Variants in PCDH15 observed in about 807,000 individuals in gnomAD.
The protein encoded by PCDH15 is protocadherin-15.
In PCDH15, 129 loss-of-function variants were observed where a neutral mutation model predicts 178.5. That is an observed-to-expected ratio of 0.72 (90% CI 0.63 to 0.84). PCDH15 has a LOEUF of 0.84. PCDH15 is among the 40% of genes least tolerant of loss of function. The pLI is 0.00. For synonymous variants in PCDH15, 800 were observed against 732.0 expected (o/e 1.09, Z -1.50); for missense variants, 2,230 against 2,099.9 (o/e 1.06, Z -1.21).
At chr10:53,992,021 C>T (rs1182568042) in intron 21 of PCDH15, among the ~76,000 whole-genome samples, 4 of 152,100 alleles carry the variant, frequency 2.6e-5, no homozygotes, top group Non-Finnish European at 5.9e-5. Context: ...CTTGCTGCTG[C>T]TTACTGTTTG....
At chr10:54,275,883 GCATTAACAAAT>G (rs1554874856) in intron 8 of PCDH15, among the ~76,000 whole-genome samples, 1 of 151,460 alleles carries the variant, frequency 6.6e-6, no homozygotes, top group Non-Finnish European at 1.5e-5. Context: ...AACAGAAATT[GCATTAACAAAT>G]CAGAGGTTAA....
intron 2 of PCDH15, among the ~76,000 whole-genome samples, chr10:55,576,680 A>C (rs901731998): frequency 3.3e-5 from 5 of 152,126 alleles, no homozygotes; most frequent in Non-Finnish European, 5.9e-5. Flanking sequence ...TGATTAAATG[A>C]ATTTTGTAAT....
At chr10:55,232,637 C>T (rs2680325) in intron 1 of PCDH15, among the ~76,000 whole-genome samples, 58,978 of 151,738 alleles carry the variant, frequency 0.39, 11,574 homozygotes, top group Admixed American at 0.44. Flanking sequence ...TTGTAACTTC[C>T]AATTGGGATG....
intron 8 of PCDH15, among the ~76,000 whole-genome samples, chr10:54,304,365 G>A (rs1383887314): frequency 6.6e-6 from 1 of 152,048 alleles, no homozygotes; most frequent in African/African-American, 2.4e-5. Flanking sequence ...ATCTACATTA[G>A]GAAGAGTTGT....
At chr10:55,334,242 A>ATATATATATATATATATATATATG (rs1291195941) in intron 2 of PCDH15, among the ~76,000 whole-genome samples, 18 of 72,126 alleles carry the variant, frequency 2.5e-4, no homozygotes, top group African/African-American at 6.7e-4. Context: ...ATATATATAT[A>ATATATATATATATATATATATATG]TGTGTGTGTG....
chr10:55,585,989 G>T (rs1842720720), intron 2 of PCDH15, among the ~76,000 whole-genome samples: 1 of 152,014 alleles, frequency 6.6e-6, no homozygotes, highest in African/African-American at 2.4e-5. Flanking sequence ...ACTCTATCCA[G>T]CTCTCACTTA....
At chr10:55,084,205 C>G in intron 2 of PCDH15, among the ~76,000 whole-genome samples, 1 of 151,488 alleles carries the variant, frequency 6.6e-6, no homozygotes, top group Non-Finnish European at 1.5e-5. Flanking sequence ...AAAATAGCAG[C>G]TATTGTAAAC....
intron 2 of PCDH15, among the ~76,000 whole-genome samples, chr10:54,994,520 G>C (rs1839586705): frequency 6.6e-6 from 1 of 152,068 alleles, no homozygotes; most frequent in African/African-American, 2.4e-5. Flanking sequence ...TGATCTCCGT[G>C]AGTTCTGAGA....
intron 3 of PCDH15, among the ~76,000 whole-genome samples, chr10:54,434,892 TGG>T (rs1217984674): frequency 6.6e-6 from 1 of 152,208 alleles, no homozygotes; most frequent in East Asian, 1.9e-4. Context: ...TGGTATGACT[TGG>T]AGTACCAGGT....
At chr10:54,372,746 T>C (rs1947859922) in intron 4 of PCDH15, among the ~76,000 whole-genome samples, 1 of 151,876 alleles carries the variant, frequency 6.6e-6, no homozygotes, top group Non-Finnish European at 1.5e-5. Context: ...TAGGTAGAAA[T>C]TGTGTTCATA....
intron 2 of PCDH15, among the ~76,000 whole-genome samples, chr10:55,149,993 G>A (rs925666191): frequency 6.6e-6 from 1 of 151,686 alleles, no homozygotes; most frequent in African/African-American, 2.4e-5. Flanking sequence ...TGGTGGGGGA[G>A]GGAGACAGAG....
At chr10:55,178,454 A>G (rs1216427242) in intron 1 of PCDH15, among the ~76,000 whole-genome samples, 2 of 152,164 alleles carry the variant, frequency 1.3e-5, no homozygotes, top group African/African-American at 2.4e-5. Context: ...CTTTCAGCCA[A>G]TGGAAAGTTC....
chr10:54,215,775 C>G (rs543220331), intron 9 of PCDH15, among the ~76,000 whole-genome samples: 16 of 152,232 alleles, frequency 1.1e-4, no homozygotes, highest in Non-Finnish European at 1.8e-4. Flanking sequence ...GGCGCGGTGG[C>G]TCACGCCTGT....
chr10:55,369,106 T>C (rs1845435430), intron 2 of PCDH15, among the ~76,000 whole-genome samples: 1 of 151,692 alleles, frequency 6.6e-6, no homozygotes, highest in African/African-American at 2.4e-5. Context: ...TTTCAGTTTT[T>C]CAGTTTCTAT....
intron 1 of PCDH15, among the ~76,000 whole-genome samples, chr10:55,245,677 C>A: frequency 6.6e-6 from 1 of 152,036 alleles, no homozygotes; most frequent in East Asian, 1.9e-4. Flanking sequence ...ATGTGGTGTC[C>A]AAAAATTTGC....
chr10:53,956,816 C>CAT (rs1418682648), intron 23 of PCDH15, among the ~76,000 whole-genome samples: 1 of 152,086 alleles, frequency 6.6e-6, no homozygotes, highest in Non-Finnish European at 1.5e-5. Context: ...ATTTTAGTAC[C>CAT]ATATAATTGG....
At chr10:55,222,488 G>A (rs1356328631) in intron 1 of PCDH15, among the ~76,000 whole-genome samples, 3 of 151,800 alleles carry the variant, frequency 2.0e-5, no homozygotes, top group Non-Finnish European at 4.4e-5. Flanking sequence ...ATTATGATAT[G>A]TCTGTCTTTT....
intron 2 of PCDH15, among the ~76,000 whole-genome samples, chr10:55,346,887 G>T (rs1844772297): frequency 6.6e-6 from 1 of 151,946 alleles, no homozygotes; most frequent in Admixed American, 6.6e-5. Flanking sequence ...TAGAGATATA[G>T]TCAGTACAGG....
At chr10:55,602,055 C>T (rs1162098826) in intron 2 of PCDH15, among the ~76,000 whole-genome samples, 8 of 152,092 alleles carry the variant, frequency 5.3e-5, no homozygotes, top group South Asian at 2.1e-4. Context: ...CAAAGCAGGG[C>T]GAGGCGTTGC....
Sources: gnomAD v4.1 joint callset for allele counts (sites outside exome capture counted in the v4.1 genomes callset) on GRCh38, gnomAD v4.1.1 for gene constraint, MANE v1.5 for transcripts, NCBI Gene and HGNC (gene_info 2026-07-23, HGNC 2026-07-21) for gene names.